USP6NL: variants seen among roughly 807,000 people sequenced by gnomAD.
The protein encoded by USP6NL is USP6 N-terminal like, also known as USP6 N-terminal-like protein.
A neutral mutation model predicts 61.9 loss-of-function variants in USP6NL; 26 were observed. That is an observed-to-expected ratio of 0.42 (90% CI 0.31 to 0.58). USP6NL has a LOEUF of 0.58. Among genes scored for constraint, USP6NL ranks in the 20% least tolerant of loss-of-function variants. The pLI is 0.16. For missense variants in USP6NL, 1,114 were observed against 1,034.3 expected, an observed-to-expected ratio of 1.08 and a Z score of -1.06; for synonymous variants, 432 against 390.1, an observed-to-expected ratio of 1.11 and a Z score of -1.27.
Position 11,470,562 on chromosome 10 carries a change from T to C in USP6NL, c.1079-6713A>G, listed in dbSNP as rs1475743079. Among the ~76,000 whole-genome samples the C allele has an allele frequency of 1.3e-5, 2 of 152,166 alleles. No individual in the cohort carries two copies. Among genetic ancestry groups the C allele is most frequent in the African/African-American group, 2.4e-5 (1 of 41,420 alleles). ...CTCTACCCTTCTTCACAGAAGTAGG[T>C]CCAAATAAAGCATTCAACATTTTGG... On this transcript the variant is annotated intron_variant, in intron 14 of 14. Coordinates refer to ENST00000609104, the MANE Select transcript of USP6NL (RefSeq NM_014688.5). This position sits in a 1 kb window ranked among gnomAD's most constrained non-coding sequence, Gnocchi z 5.4.
chr10:11,573,033 A>G (rs1282737253), intron 2 of USP6NL, among the ~76,000 whole-genome samples: 4 of 148,912 alleles, frequency 2.7e-5, no homozygotes, highest in Admixed American at 6.7e-5. Flanking sequence ...CGCTATGAAT[A>G]TAAGACTGTT....
rs1176431879 is a variant in USP6NL, at chr10:11,580,063, T to A, written c.4+17568A>T. 4.0e-5 allele frequency among the ~76,000 whole-genome samples: 6 copies of A among 148,806 alleles called. No homozygotes were observed. In the Admixed American group the frequency reaches 4.1e-4, roughly 10 times the overall value. On this transcript the variant is annotated intron_variant, in intron 2 of 14. Coordinates refer to ENST00000609104, the MANE Select transcript of USP6NL (RefSeq NM_014688.5). ...ATAGACCCAAAGATGCCGGTTAACATCCTACAATTTACGTAACAGCCTCCA... is the reference window on the plus strand; with the variant it reads ...ATAGACCCAAAGATGCCGGTTAACAACCTACAATTTACGTAACAGCCTCCA...
rs917210686 is a variant in USP6NL, at chr10:11,470,030, C to T, written c.1079-6181G>A. 2.6e-5 allele frequency among the ~76,000 whole-genome samples: 4 copies of T among 152,198 alleles called. No homozygotes were observed. The highest frequency in any genetic ancestry group is 4.8e-5 in the African/African-American group (2 of 41,444). ...CAATGAGCAGTGTATATACAGCTTA[C>T]GTTTCCAGGGAGGCCCTCAGGCCCC... On this transcript the variant is annotated intron_variant, in intron 14 of 14. Transcript: ENST00000609104. The surrounding 1 kb of genome is among the most constrained non-coding windows in gnomAD (Gnocchi z 5.4).
intron 5 of USP6NL, among the ~76,000 whole-genome samples, chr10:11,515,613 A>G (rs1176803736): frequency 6.6e-6 from 1 of 152,198 alleles, no homozygotes; most frequent in Non-Finnish European, 1.5e-5. Flanking sequence ...GTAGAGTTAA[A>G]TTTGGGGTCC....
rs1288842039 is a variant in USP6NL, at chr10:11,574,466, T to C, written c.4+23165A>G. On this transcript the variant is annotated intron_variant, in intron 2 of 14. Coordinates refer to ENST00000609104, the MANE Select transcript of USP6NL (RefSeq NM_014688.5). The surrounding 1 kb of genome is among the most constrained non-coding windows in gnomAD (Gnocchi z 4.3). ...TATAACCACTGCTCCTTCCATATGA[T>C]GTTTAACAGCCAAGTTGTAACAAAT... Among the ~76,000 whole-genome samples, 1 of 152,240 alleles carries C rather than the reference T, an allele frequency of 6.6e-6. No individual in the cohort carries two copies. The highest frequency in any genetic ancestry group is 1.5e-5 in the Non-Finnish European group (1 of 68,042).
intron 2 of USP6NL, among the ~76,000 whole-genome samples, chr10:11,568,163 G>GTGTGTGTA (rs1175019185): frequency 6.6e-6 from 1 of 151,976 alleles, no homozygotes; most frequent in Non-Finnish European, 1.5e-5. Flanking sequence ...GTGTGTGTGT[G>GTGTGTGTA]TGTGTGTGTG....
At chr10:11,509,523 G>T in intron 6 of USP6NL, 72 bp downstream of exon 6, 1 of 1,352,012 alleles carries the variant, frequency 7.4e-7, no homozygotes, top group Non-Finnish European at 1.0e-6. Context: ...TATAATTAAA[G>T]AAGAACTTCT....
chr10:11,566,267 A>G (rs1185755391), intron 2 of USP6NL, among the ~76,000 whole-genome samples: 1 of 152,230 alleles, frequency 6.6e-6, no homozygotes. Flanking sequence ...AAATGCATTC[A>G]GCAGGTTGGC....
chr10:11,547,894 A>C (rs1450002514), intron 2 of USP6NL, among the ~76,000 whole-genome samples: 1 of 152,252 alleles, frequency 6.6e-6, no homozygotes, highest in African/African-American at 2.4e-5. Flanking sequence ...TAAAGTCTTG[A>C]GGACAAAACG....
Position 11,540,300 on chromosome 10 carries a change from TTTAAG to T in USP6NL, c.5-12738_5-12734del, listed in dbSNP as rs1835996685. On this transcript the variant is annotated intron_variant, in intron 2 of 14. Coordinates refer to ENST00000609104, the MANE Select transcript of USP6NL (RefSeq NM_014688.5). This position sits in a 1 kb window ranked among gnomAD's most constrained non-coding sequence, Gnocchi z 5.0. ...ATCAACTGGACCTGCTATATTATGTTTTAAGTTGTGTGTTTTAGGATAATAACAAG... is the reference window on the plus strand; with the variant it reads ...ATCAACTGGACCTGCTATATTATGTTTTGTGTGTTTTAGGATAATAACAAG... Among the ~76,000 whole-genome samples the T allele has an allele frequency of 1.3e-5, 2 of 152,360 alleles. No homozygotes were observed. Among genetic ancestry groups the T allele is most frequent in the African/African-American group, 2.4e-5 (1 of 41,588 alleles).
At chr10:11,505,476 T>C (rs1834391751) in intron 6 of USP6NL, among the ~76,000 whole-genome samples, 1 of 152,186 alleles carries the variant, frequency 6.6e-6, no homozygotes, top group African/African-American at 2.4e-5. Flanking sequence ...GAACTCAAAT[T>C]CAGTCTGAGT....
At chr10:11,547,172 CAA>C (rs1393178386) in intron 2 of USP6NL, among the ~76,000 whole-genome samples, 1 of 152,124 alleles carries the variant, frequency 6.6e-6, no homozygotes, top group Non-Finnish European at 1.5e-5. Flanking sequence ...AAAAGAAAAA[CAA>C]TGATGACAAC....
intron 14 of USP6NL, among the ~76,000 whole-genome samples, chr10:11,464,841 G>C (rs906876245): frequency 6.6e-6 from 1 of 152,180 alleles, no homozygotes; most frequent in Non-Finnish European, 1.5e-5. Context: ...TTGTAATTCA[G>C]AAAAGTTTTC....
chr10:11,462,818 C>A lies in USP6NL; in HGVS notation c.2110G>T (p.Asp704Tyr). ...PSSRIEVLPV[D>Y]TGAGGYSGNS... ...CCCGAATATCCCCCAGCACCAGTGTCAACAGGGAGGACTTCTATTCGACTA... is the reference window on the plus strand; with the variant it reads ...CCCGAATATCCCCCAGCACCAGTGTAAACAGGGAGGACTTCTATTCGACTA... Residue 704 changes from aspartate to tyrosine, a missense_variant, in exon 15 of 15, where the codon GAC becomes TAC. Asp to Tyr is a radical substitution (Grantham distance 160). Transcript: ENST00000609104. The A allele has an allele frequency of 6.2e-7, 1 of 1,613,982 alleles. No individual in the cohort carries two copies. Among genetic ancestry groups the A allele is most frequent in the African/African-American group, 1.3e-5 (1 of 75,032 alleles).
Position 11,465,421 on chromosome 10 carries a change from G to A in USP6NL, c.1079-1572C>T, listed in dbSNP as rs572060552. Among the ~76,000 whole-genome samples, 5 of 152,308 alleles carry A rather than the reference G, an allele frequency of 3.3e-5. No homozygotes were observed. Among genetic ancestry groups the A allele is most frequent in the Admixed American group, 2.0e-4 (3 of 15,298 alleles). On this transcript the variant is annotated intron_variant, in intron 14 of 14. Transcript: ENST00000609104. The surrounding 1 kb of genome is among the most constrained non-coding windows in gnomAD (Gnocchi z 4.5). Reference sequence around the variant, plus strand: ...CAGGGGCAAAACTGGATTCGCTGCAGAGACTGTCACACTGAGCCCTGGAAG... The same window carrying A: ...CAGGGGCAAAACTGGATTCGCTGCAAAGACTGTCACACTGAGCCCTGGAAG...
intron 8 of USP6NL, among the ~76,000 whole-genome samples, chr10:11,492,630 T>C (rs892688208): frequency 2.1e-4 from 32 of 152,226 alleles, no homozygotes; most frequent in African/African-American, 7.0e-4. Flanking sequence ...ATATCTCCTA[T>C]TGGTTTCTGT....
intron 5 of USP6NL, among the ~76,000 whole-genome samples, chr10:11,516,066 A>G (rs1220608078): frequency 6.6e-6 from 1 of 152,188 alleles, no homozygotes; most frequent in Non-Finnish European, 1.5e-5. Context: ...CAAAGAAACA[A>G]TATAATCCAT....
intron 1 of USP6NL, among the ~76,000 whole-genome samples, chr10:11,601,361 G>C (rs895943518): frequency 6.6e-6 from 1 of 152,116 alleles, no homozygotes; most frequent in East Asian, 1.9e-4. Context: ...GAAAAGCAAA[G>C]GAATGCCAGA....
Position 11,510,416 on chromosome 10 carries a change from T to C in USP6NL, c.196-741A>G, listed in dbSNP as rs190391151. On this transcript the variant is annotated intron_variant, in intron 5 of 14. Transcript: ENST00000609104. This position sits in a 1 kb window ranked among gnomAD's most constrained non-coding sequence, Gnocchi z 4.8. ...TGTTCCAGGCAGCCTTGAGAATGCATGTATTTCTGAGACAGCAGGGGCCGA... is the reference window on the plus strand; with the variant it reads ...TGTTCCAGGCAGCCTTGAGAATGCACGTATTTCTGAGACAGCAGGGGCCGA... Among the ~76,000 whole-genome samples the C allele has an allele frequency of 9.9e-5, 15 of 152,228 alleles. No individual in the cohort carries two copies. In the East Asian group the frequency reaches 2.9e-3, roughly 29 times the overall value.
Sources: allele counts gnomAD v4.1 joint callset (sites outside exome capture counted in the v4.1 genomes callset), GRCh38; gene constraint gnomAD v4.1.1; non-coding constraint Gnocchi (gnomAD v3.1); transcripts MANE v1.5; gene names NCBI Gene and HGNC (gene_info 2026-07-23, HGNC 2026-07-21).